Variants in CPEB4 observed in about 807,000 individuals in gnomAD.
The protein encoded by CPEB4 is cytoplasmic polyadenylation element binding protein 4, also known as cytoplasmic polyadenylation element-binding protein 4.
In CPEB4, 12 loss-of-function variants were observed where a neutral mutation model predicts 72.5. The observed-to-expected ratio is 0.17, with a 90% CI of 0.11 to 0.27. The LOEUF (loss-of-function observed/expected upper bound fraction) is 0.27, where lower values mean the gene tolerates loss of function less well. CPEB4 is among the 10% of genes least tolerant of loss of function. CPEB4 has a pLI of 1.00. For synonymous variants in CPEB4, 302 were observed against 326.3 expected (o/e 0.93, Z 0.80); for missense variants, 614 against 908.5 (o/e 0.68, Z 4.17).
intron 5 of CPEB4, 91 bp downstream of exon 5, chr5:173,945,231 C>CT: frequency 9.3e-7 from 1 of 1,077,252 alleles, no homozygotes; most frequent in East Asian, 2.4e-5. Flanking sequence ...TCTTATCTGG[C>CT]TCCAATAGTC....
chr5:173,911,655 A>G (rs1756663441), intron 2 of CPEB4, among the ~76,000 whole-genome samples: 1 of 151,512 alleles, frequency 6.6e-6, no homozygotes, highest in Admixed American at 6.6e-5. Flanking sequence ...TTTTCTGGAT[A>G]AAAATATCAG....
chr5:173,893,196 A>G (rs1755879604), intron 1 of CPEB4: 3 of 152,212 alleles, frequency 2.0e-5, no homozygotes, highest in Admixed American at 6.5e-5. Context: ...AAGTAAACTG[A>G]CCACTGTGAT....
chr5:173,921,154 T>C (rs1049257773), intron 2 of CPEB4, among the ~76,000 whole-genome samples: 2 of 152,214 alleles, frequency 1.3e-5, no homozygotes, highest in Non-Finnish European at 2.9e-5. Flanking sequence ...TTTAAAGGTG[T>C]TGCTGAGTTC....
intron 1 of CPEB4, among the ~76,000 whole-genome samples, chr5:173,909,748 C>T (rs1451085660): frequency 6.6e-6 from 1 of 151,726 alleles, no homozygotes; most frequent in Admixed American, 6.6e-5. Flanking sequence ...GCCTGTAATC[C>T]CAGCACTTTG....
At chr5:173,933,954 A>AG (rs931187378) in intron 3 of CPEB4, among the ~76,000 whole-genome samples, 2 of 152,214 alleles carry the variant, frequency 1.3e-5, no homozygotes, top group African/African-American at 4.8e-5. Flanking sequence ...AGACTAAAGC[A>AG]GGAGGATTCC....
intron 2 of CPEB4, among the ~76,000 whole-genome samples, chr5:173,913,386 T>C (rs1561613586): frequency 6.6e-6 from 1 of 152,072 alleles, no homozygotes; most frequent in Non-Finnish European, 1.5e-5. Context: ...TTAGTAGAGA[T>C]GGGGTTTCAC....
intron 1 of CPEB4, among the ~76,000 whole-genome samples, chr5:173,894,843 C>G (rs1271089685): frequency 6.6e-6 from 1 of 151,850 alleles, no homozygotes; most frequent in African/African-American, 2.4e-5. Context: ...GAGAGTGCCT[C>G]CCAGACGCAT....
In CPEB4 at chr5:173,890,020, T is replaced by A. The variant is rs1172900499; in HGVS notation, c.287T>A (p.Leu96His). Reference sequence around the variant, plus strand: ...CAAGACCCCTTAGAAAAGCAGCAGCTTTCCCCAAGTCCAGGTCAGGAAGCT... The same window carrying A: ...CAAGACCCCTTAGAAAAGCAGCAGCATTCCCCAAGTCCAGGTCAGGAAGCT... ...EQQDPLEKQQ[L>H]SPSPGQEAGI... is the part of the protein sequence containing the mutation. Residue 96 changes from leucine (L) to histidine (H), a missense_variant, in exon 1 of 10, where the codon CTT (leucine) becomes CAT (histidine). This residue lies in a region of CPEB4 where 458 missense variants were observed against 548.6 expected (regional missense o/e 0.83). Transcript: ENST00000265085. 4 of 1,614,154 alleles carry A rather than the reference T, an allele frequency of 2.5e-6. No individual in the cohort carries two copies. Among genetic ancestry groups the A allele is most frequent in the Non-Finnish European group, 3.4e-6 (4 of 1,180,016 alleles).
At chr5:173,943,612 C>T (rs540904736) in intron 4 of CPEB4, among the ~76,000 whole-genome samples, 58 of 152,226 alleles carry the variant, frequency 3.8e-4, no homozygotes, top group African/African-American at 1.3e-3. Context: ...ACCTGAATAA[C>T]TTATTCTTGG....
intron 2 of CPEB4, among the ~76,000 whole-genome samples, chr5:173,914,002 A>G (rs926650803): frequency 3.3e-5 from 5 of 152,260 alleles, no homozygotes; most frequent in Non-Finnish European, 5.9e-5. Flanking sequence ...CAAAAAAGCC[A>G]GCTTCAGTTT....
At chr5:173,905,749 C>G (rs1455184148) in intron 1 of CPEB4, among the ~76,000 whole-genome samples, 1 of 152,162 alleles carries the variant, frequency 6.6e-6, no homozygotes, top group African/African-American at 2.4e-5. Flanking sequence ...AATAAATTCT[C>G]ATCCTTATTT....
chr5:173,924,931 A>G (rs1757191673), intron 2 of CPEB4, among the ~76,000 whole-genome samples: 1 of 152,218 alleles, frequency 6.6e-6, no homozygotes, highest in African/African-American at 2.4e-5. Context: ...ATATGGTGTA[A>G]TAAGTGTAAA....
At chr5:173,933,151 T>C (rs907044899) in intron 3 of CPEB4, among the ~76,000 whole-genome samples, 3 of 152,126 alleles carry the variant, frequency 2.0e-5, no homozygotes, top group African/African-American at 7.2e-5. Flanking sequence ...AATACAGAGG[T>C]CTTGTTTACT....
intron 1 of CPEB4, among the ~76,000 whole-genome samples, chr5:173,892,620 T>C (rs1755852107): frequency 6.6e-6 from 1 of 152,236 alleles, no homozygotes; most frequent in Non-Finnish European, 1.5e-5. Flanking sequence ...ACAGTGAATT[T>C]ATGTGGCCTC....
rs1268932863 is a variant in CPEB4 at position 173,888,399 on chromosome 5, G to A, written c.-1335G>A. 6.6e-6 allele frequency: 3 copies of A among 456,490 alleles called. No individual in the cohort carries two copies. The highest frequency in any genetic ancestry group is 2.0e-5 in the African/African-American group (1 of 49,128). 28.3% of individuals were successfully genotyped at this position (456,490 alleles called of 1,614,324 possible). A position where few individuals can be genotyped will look rare whatever the true frequency, so the allele number is the denominator to read the frequency against. ...ACTCAGCCGCGGCTGCGGGACCCGG[G>A]CACCGGGAGGCGGTGGCGGCGGCGG... On this transcript the variant is annotated 5_prime_UTR_variant, in exon 1 of 10. Transcript: ENST00000265085. The surrounding 1 kb of genome is among the most constrained non-coding windows in gnomAD (Gnocchi z 4.3).
intron 1 of CPEB4, among the ~76,000 whole-genome samples, chr5:173,907,642 G>T (rs1231655527): frequency 6.6e-6 from 1 of 152,154 alleles, no homozygotes; most frequent in Non-Finnish European, 1.5e-5. Flanking sequence ...TTACATGAAG[G>T]AATACATCCA....
At chr5:173,917,946 T>C (rs1265123378) in intron 2 of CPEB4, among the ~76,000 whole-genome samples, 3 of 152,222 alleles carry the variant, frequency 2.0e-5, no homozygotes, top group Non-Finnish European at 2.9e-5. Flanking sequence ...GCTGGCTCTT[T>C]CTTGCTCGGT....
chr5:173,949,887 C>A, intron 6 of CPEB4, 73 bp from the exon 7 acceptor site: 1 of 999,324 alleles, frequency 1.0e-6, no homozygotes, highest in Non-Finnish European at 1.6e-6. Context: ...TAGTTTTGTG[C>A]ATGATTCCTT....
intron 2 of CPEB4, among the ~76,000 whole-genome samples, chr5:173,914,388 C>G (rs1756786162): frequency 6.6e-6 from 1 of 152,000 alleles, no homozygotes; most frequent in African/African-American, 2.4e-5. Flanking sequence ...GTATCTAACA[C>G]CTACCAATTC....
Sources: gnomAD v4.1 joint callset for allele counts (sites outside exome capture counted in the v4.1 genomes callset) on GRCh38, gnomAD v4.1.1 for gene constraint, gnomAD v4.1.1 regional missense constraint, Gnocchi (gnomAD v3.1) non-coding constraint, MANE v1.5 for transcripts, NCBI Gene and HGNC (gene_info 2026-07-23, HGNC 2026-07-21) for gene names.